TYW1B: variants seen among roughly 807,000 people sequenced by gnomAD.
TYW1B encodes S-adenosyl-L-methionine-dependent tRNA 4-demethylwyosine synthase TYW1B.
In TYW1B, 73 loss-of-function variants were observed where a neutral mutation model predicts 86.9. That is an observed-to-expected ratio of 0.84 (90% CI 0.70 to 1.02). The LOEUF (loss-of-function observed/expected upper bound fraction) is 1.02. Ranked by LOEUF, TYW1B falls within the 50% of genes least tolerant of loss-of-function variation. The probability of loss-of-function intolerance (pLI) is 0.00; values close to 1 mark genes in which losing one functional copy is unlikely to be tolerated. For missense variants in TYW1B, 637 were observed against 827.4 expected (o/e 0.77, Z 2.82); for synonymous variants, 248 against 292.8 (o/e 0.85, Z 1.56).
intron 13 of TYW1B, among the ~76,000 whole-genome samples, chr7:72,606,617 C>T (rs1471752939): frequency 1.3e-5 from 2 of 151,972 alleles, no homozygotes; most frequent in South Asian, 4.2e-4. Context: ...GCCCCCCCCC[C>T]GCCTCCATCC....
At position 72,617,934 on chromosome 7, in the gene TYW1B, T is replaced by C. The variant is rs545347794; in HGVS notation, c.1618-1095A>G. Among the ~76,000 whole-genome samples, 13 of 152,302 alleles carry C rather than the reference T, an allele frequency of 8.5e-5. No homozygotes were observed. The East Asian group carries it at 2.3e-3, about 27-fold the overall frequency. On this transcript the variant is annotated intron_variant, in intron 12 of 13. Transcript: ENST00000620995. ...GTTCTTTATTTGGTAAATTACATAA[T>C]GGTAAAATGATTAATTTTCTAATAC...
chr7:72,660,543 C>T (rs143484167), intron 11 of TYW1B, among the ~76,000 whole-genome samples: 1,903 of 152,324 alleles, frequency 0.012, 33 homozygotes, highest in African/African-American at 0.043. Context: ...CTTTCAGATT[C>T]TGCCATCCGA....
intron 6 of TYW1B, among the ~76,000 whole-genome samples, chr7:72,799,858 T>C (rs1788375085): frequency 6.6e-6 from 1 of 152,180 alleles, no homozygotes; most frequent in African/African-American, 2.4e-5. Context: ...TGTTTTGCCT[T>C]TTGATTTTCC....
intron 6 of TYW1B, among the ~76,000 whole-genome samples, chr7:72,786,641 T>C (rs7783791): frequency 0.69 from 102,236 of 148,202 alleles, 36,256 homozygotes; most frequent in Non-Finnish European, 0.77. Context: ...AGTGGCGTGA[T>C]CTCGGCTCAC....
chr7:72,812,355 GCCT>G (rs1428342303), intron 3 of TYW1B, among the ~76,000 whole-genome samples: 1 of 152,072 alleles, frequency 6.6e-6, no homozygotes, highest in African/African-American at 2.4e-5. Context: ...TCCACTTGTG[GCCT>G]CCTGTCAGCG....
chr7:72,816,138 A>G (rs1209910205), intron 2 of TYW1B, among the ~76,000 whole-genome samples: 2 of 152,176 alleles, frequency 1.3e-5, no homozygotes, highest in African/African-American at 2.4e-5. Flanking sequence ...GTACCTTGGG[A>G]GGCCGATGCG....
At chr7:72,815,962 G>C (rs1286878501) in intron 2 of TYW1B, among the ~76,000 whole-genome samples, 1 of 152,122 alleles carries the variant, frequency 6.6e-6, no homozygotes, top group Non-Finnish European at 1.5e-5. Flanking sequence ...CCAGGGGTTA[G>C]AGGATACAGT....
At chr7:72,618,766 T>C (rs1812143481) in intron 12 of TYW1B, among the ~76,000 whole-genome samples, 1 of 152,082 alleles carries the variant, frequency 6.6e-6, no homozygotes, top group African/African-American at 2.4e-5. Context: ...TTAAACGGAG[T>C]TGGAGCTGAA....
chr7:72,802,634 T>A, intron 5 of TYW1B, 112 bp from the exon 6 acceptor site: 1 of 1,245,690 alleles, frequency 8.0e-7, no homozygotes. Context: ...TTTTTTTTTT[T>A]CTTTGAGACA....
At chr7:72,677,044 T>C (rs1253557183) in intron 11 of TYW1B, among the ~76,000 whole-genome samples, 1 of 152,172 alleles carries the variant, frequency 6.6e-6, no homozygotes, top group Non-Finnish European at 1.5e-5. Flanking sequence ...GTTCTCGAGT[T>C]AGGTAGTGAT....
intron 6 of TYW1B, among the ~76,000 whole-genome samples, chr7:72,778,967 A>C (rs1296504301): frequency 6.6e-6 from 1 of 151,998 alleles, no homozygotes; most frequent in Admixed American, 6.6e-5. Context: ...ATTTTTAAGG[A>C]TATCTCCCTA....
chr7:72,688,679 A>G (rs1814067120), intron 11 of TYW1B, among the ~76,000 whole-genome samples: 1 of 152,078 alleles, frequency 6.6e-6, no homozygotes. Flanking sequence ...CTTTAACTAC[A>G]ATCCGTTGCT....
At chr7:72,819,822 G>A (rs1240068051) in intron 2 of TYW1B, among the ~76,000 whole-genome samples, 1 of 152,094 alleles carries the variant, frequency 6.6e-6, no homozygotes, top group Non-Finnish European at 1.5e-5. Context: ...AAAATCATCA[G>A]ATTCTCCAAA....
At chr7:72,724,435 T>C (rs1482310594) in intron 9 of TYW1B, among the ~76,000 whole-genome samples, 1 of 152,224 alleles carries the variant, frequency 6.6e-6, no homozygotes, top group Non-Finnish European at 1.5e-5. Context: ...ATCGTGCCAC[T>C]GCACTCCAGC....
rs181480293 is a variant in TYW1B at position 72,813,037 on chromosome 7, C to A, written c.237+2343G>T. Among the ~76,000 whole-genome samples, 103 of 152,108 alleles carry A rather than the reference C, an allele frequency of 6.8e-4. 1 individual carries two copies. Among genetic ancestry groups the A allele is most frequent in the African/African-American group, 2.4e-3 (100 of 41,512 alleles). ...AGTTTTAGTGGAACACAGCCATATTCATTCATTTACATATTATCTATGGCT... is the reference window on the plus strand; with the variant it reads ...AGTTTTAGTGGAACACAGCCATATTAATTCATTTACATATTATCTATGGCT... On this transcript the variant is annotated intron_variant, in intron 3 of 13. Coordinates refer to ENST00000620995, the MANE Select transcript of TYW1B (RefSeq NM_001145440.3).
rs1459369652 is a variant in TYW1B, at chr7:72,594,812, G to A, written c.1786-19093C>T. On this transcript the variant is annotated intron_variant, in intron 13 of 13. Transcript: ENST00000620995. ...AAAGAATTATATGCCCTGGACAAGT[G>A]GGATTTATCCCTGGAATGCAAGGAT... is the stretch of plus-strand genomic sequence containing the variant. 2.0e-5 allele frequency among the ~76,000 whole-genome samples: 3 copies of A among 152,134 alleles called. No homozygotes were observed. The East Asian group carries it at 5.8e-4, about 29-fold the overall frequency.
At chr7:72,711,365 C>G (rs1156603904) in intron 10 of TYW1B, among the ~76,000 whole-genome samples, 11 of 151,202 alleles carry the variant, frequency 7.3e-5, no homozygotes, top group African/African-American at 2.4e-4. Flanking sequence ...AACTCTTAGT[C>G]TGTAACAGAG....
chr7:72,657,341 C>T (rs1813228476), intron 11 of TYW1B, among the ~76,000 whole-genome samples: 1 of 152,038 alleles, frequency 6.6e-6, no homozygotes, highest in Non-Finnish European at 1.5e-5. Flanking sequence ...GCCTATGTGA[C>T]ATGCAGGACA....
At chr7:72,736,399 T>C (rs527724194) in intron 8 of TYW1B, among the ~76,000 whole-genome samples, 4 of 152,216 alleles carry the variant, frequency 2.6e-5, no homozygotes, top group African/African-American at 9.6e-5. Flanking sequence ...ACAAAGTACA[T>C]TGATTTCTTT....
Sources: allele counts gnomAD v4.1 joint callset (sites outside exome capture counted in the v4.1 genomes callset), GRCh38; gene constraint gnomAD v4.1.1; transcripts MANE v1.5; gene names NCBI Gene and HGNC (gene_info 2026-07-23, HGNC 2026-07-21).